Variants in LGSN observed in about 807,000 individuals in gnomAD.
LGSN encodes lengsin, lens protein with glutamine synthetase domain.
In LGSN, 21 loss-of-function variants were observed where a neutral mutation model predicts 19.5. The observed-to-expected ratio is 1.07, with a 90% CI of 0.76 to 1.55. The LOEUF is 1.55. Ranked by LOEUF, LGSN falls within the 40% of genes most tolerant of loss-of-function variation. The probability of loss-of-function intolerance (pLI) is 0.00; values close to 1 mark genes in which losing one functional copy is unlikely to be tolerated. For missense variants in LGSN, 673 were observed against 608.5 expected, an observed-to-expected ratio of 1.11 and a Z score of -1.12; for synonymous variants, 257 against 215.6, an observed-to-expected ratio of 1.19 and a Z score of -1.68.
chr6:63,409,160 C>T, the LGSN span, among the ~76,000 whole-genome samples: 3 of 152,180 alleles, frequency 2.0e-5, no homozygotes, highest in Admixed American at 6.6e-5. Flanking sequence ...GATATTCCTG[C>T]CTTAGTCTCC....
the LGSN span, among the ~76,000 whole-genome samples, chr6:63,430,317 G>C: frequency 6.6e-6 from 1 of 152,110 alleles, no homozygotes; most frequent in East Asian, 1.9e-4. Context: ...AGAACAGCTG[G>C]TCTCTGGGTG....
the LGSN span, among the ~76,000 whole-genome samples, chr6:63,407,898 G>A: frequency 1.1e-4 from 16 of 152,242 alleles, no homozygotes; most frequent in Admixed American, 8.5e-4. Context: ...GACTAACAGG[G>A]AGCCAAATCA....
At chr6:63,572,606 C>A in the LGSN span, 2 of 419,308 alleles carry the variant, frequency 4.8e-6, no homozygotes, top group Non-Finnish European at 8.2e-6. Context: ...ACCGCCGCTC[C>A]GCCACGACCA....
chr6:63,344,670 AGAG>A, the LGSN span, among the ~76,000 whole-genome samples: 4 of 152,254 alleles, frequency 2.6e-5, no homozygotes, highest in African/African-American at 9.6e-5. Flanking sequence ...GAATGTATGA[AGAG>A]GAGATTTAGA....
the LGSN span, among the ~76,000 whole-genome samples, chr6:63,557,798 G>C: frequency 1.3e-5 from 2 of 152,228 alleles, no homozygotes; most frequent in South Asian, 4.2e-4. Context: ...AAAGAGTTTG[G>C]ACTTTATCTA....
the LGSN span, among the ~76,000 whole-genome samples, chr6:63,517,247 C>T: frequency 6.6e-6 from 1 of 151,972 alleles, no homozygotes; most frequent in South Asian, 2.1e-4. Context: ...CATTAAAGAA[C>T]TATAAGGGTG....
upstream of LGSN, among the ~76,000 whole-genome samples, chr6:63,321,774 G>T (rs2127399792): frequency 6.6e-6 from 1 of 152,164 alleles, no homozygotes; most frequent in Non-Finnish European, 1.5e-5. Flanking sequence ...AATAATAAAT[G>T]GTCAATAAGT....
At position 63,276,782 on chromosome 6, in the gene LGSN, G is replaced by A. The variant is rs971063969; in HGVS notation, c.*3239C>T. On this transcript the variant is annotated 3_prime_UTR_variant, in exon 4 of 4. Transcript: ENST00000370657. ...AATAAGTGCTGCTGAATGAATGTCTGACCCTCTTAACCCAGACCAAGAAGG... is the reference window on the plus strand; with the variant it reads ...AATAAGTGCTGCTGAATGAATGTCTAACCCTCTTAACCCAGACCAAGAAGG... 2 of 152,190 alleles carry A rather than the reference G, an allele frequency of 1.3e-5. No individual in the cohort carries two copies. The highest frequency in any genetic ancestry group is 2.9e-5 in the Non-Finnish European group (2 of 68,042). The allele number at this position is 152,190 out of a possible 1,614,324, so 9.4% of individuals were successfully genotyped here.
the LGSN span, among the ~76,000 whole-genome samples, chr6:63,470,637 T>C: frequency 6.6e-6 from 1 of 152,274 alleles, no homozygotes; most frequent in East Asian, 1.9e-4. Context: ...TCCGCACCCA[T>C]TTCCTTGCTC....
chr6:63,351,117 A>C, the LGSN span, among the ~76,000 whole-genome samples: 1 of 152,142 alleles, frequency 6.6e-6, no homozygotes, highest in Non-Finnish European at 1.5e-5. Context: ...TCTTTATAAA[A>C]GAGACCCCAG....
chr6:63,549,042 A>C, the LGSN span: 4 of 725,198 alleles, frequency 5.5e-6, no homozygotes, highest in African/African-American at 6.9e-5. Flanking sequence ...GTGTGCAATC[A>C]CCACCGGCTG....
At chr6:63,283,829 T>C (rs1449845396) in intron 3 of LGSN, among the ~76,000 whole-genome samples, 4 of 152,058 alleles carry the variant, frequency 2.6e-5, no homozygotes, top group African/African-American at 9.7e-5. Context: ...GCTTCCCAAG[T>C]AGCTGGATTA....
At chr6:63,506,295 G>A in the LGSN span, among the ~76,000 whole-genome samples, 5 of 151,676 alleles carry the variant, frequency 3.3e-5, no homozygotes, top group East Asian at 3.9e-4. Context: ...GACAAGTCTC[G>A]CACTGTCACC....
chr6:63,431,343 T>C, the LGSN span, among the ~76,000 whole-genome samples: 2 of 152,196 alleles, frequency 1.3e-5, no homozygotes, highest in African/African-American at 4.8e-5. Context: ...TGAGTGTTGG[T>C]TGGGGCCAGG....
the LGSN span, among the ~76,000 whole-genome samples, chr6:63,547,744 C>T: frequency 6.0e-5 from 9 of 151,064 alleles, no homozygotes; most frequent in African/African-American, 1.9e-4. Context: ...ATCTCCTGAC[C>T]TCATGATCCA....
the LGSN span, among the ~76,000 whole-genome samples, chr6:63,412,529 G>GA: frequency 3.1e-5 from 1 of 32,378 alleles, no homozygotes; most frequent in Non-Finnish European, 5.7e-5. Context: ...AAAGAAAGAA[G>GA]GAAAGAAAGA....
the LGSN span, among the ~76,000 whole-genome samples, chr6:63,456,773 T>C: frequency 6.6e-6 from 1 of 152,078 alleles, no homozygotes; most frequent in Admixed American, 6.6e-5. Flanking sequence ...AGCCATTTTA[T>C]AGCACCCCCT....
chr6:63,379,346 T>A, the LGSN span, among the ~76,000 whole-genome samples: 1 of 152,140 alleles, frequency 6.6e-6, no homozygotes, highest in Admixed American at 6.5e-5. Context: ...TGTTGGCACA[T>A]CCTTTCATTC....
At chr6:63,555,167 A>C in the LGSN span, among the ~76,000 whole-genome samples, 1 of 152,190 alleles carries the variant, frequency 6.6e-6, no homozygotes, top group African/African-American at 2.4e-5. Context: ...TTCTTCTTCA[A>C]AGAAGATCTA....
Sources: allele counts gnomAD v4.1 joint callset (sites outside exome capture counted in the v4.1 genomes callset), GRCh38; gene constraint gnomAD v4.1.1; transcripts MANE v1.5; gene names NCBI Gene and HGNC (gene_info 2026-07-23, HGNC 2026-07-21).